The following ARNT2 variants were observed in gnomAD, a reference collection of about 807,000 sequenced individuals.
ARNT2 encodes ARNT protein 2.
In ARNT2, 36 loss-of-function variants were observed where a neutral mutation model predicts 91.7. The observed-to-expected ratio is 0.39, with a 90% CI of 0.30 to 0.52. The LOEUF (loss-of-function observed/expected upper bound fraction) is 0.52. Among genes scored for constraint, ARNT2 ranks in the 20% least tolerant of loss-of-function variants. The pLI, the probability that ARNT2 is intolerant of heterozygous loss-of-function variation, is 0.72. For synonymous variants in ARNT2, 365 were observed against 347.1 expected (o/e 1.05, Z -0.57); for missense variants, 775 against 939.3 (o/e 0.83, Z 2.29).
chr15:80,429,635 C>T (rs963333823), intron 1 of ARNT2, among the ~76,000 whole-genome samples: 5 of 152,166 alleles, frequency 3.3e-5, no homozygotes, highest in Admixed American at 1.3e-4. Flanking sequence ...AATTTATATT[C>T]GGTTGGTGAG....
intron 8 of ARNT2, among the ~76,000 whole-genome samples, chr15:80,536,158 A>T (rs190319884): frequency 1.1e-3 from 163 of 152,294 alleles, no homozygotes; most frequent in Non-Finnish European, 1.7e-3. Context: ...AGGCACGTGG[A>T]GTGAGGTTAA....
chr15:80,463,575 C>CTT (rs11358638), intron 3 of ARNT2, among the ~76,000 whole-genome samples: 2 of 113,190 alleles, frequency 1.8e-5, no homozygotes, highest in African/African-American at 3.7e-5. Context: ...GGGTGATTTC[C>CTT]TTTTTTTTTT....
intron 1 of ARNT2, among the ~76,000 whole-genome samples, chr15:80,433,038 ATG>A (rs1896032008): frequency 6.6e-6 from 1 of 152,186 alleles, no homozygotes; most frequent in East Asian, 1.9e-4. Context: ...TTAACACAAA[ATG>A]TTTTTTTGGT....
chr15:80,426,511 C>T (rs1449343240), intron 1 of ARNT2, among the ~76,000 whole-genome samples: 2 of 152,190 alleles, frequency 1.3e-5, no homozygotes, highest in African/African-American at 2.4e-5. Flanking sequence ...TCAATTGCCC[C>T]TGTGTCCCAA....
At chr15:80,460,944 G>T (rs754209472) in intron 3 of ARNT2, among the ~76,000 whole-genome samples, 1 of 152,192 alleles carries the variant, frequency 6.6e-6, no homozygotes, top group East Asian at 1.9e-4. Flanking sequence ...CAAGGCAGAA[G>T]GAAGGAGCTG....
chr15:80,574,851 TA>T, intron 13 of ARNT2, 135 bp from the exon 14 acceptor site: 1 of 1,159,482 alleles, frequency 8.6e-7, no homozygotes, highest in Non-Finnish European at 1.2e-6. Flanking sequence ...TCCCACCCGA[TA>T]AAATGTTCCA....
At position 80,593,848 on chromosome 15, in the gene ARNT2, AT is replaced by A; in HGVS notation, c.*152del. The A allele has an allele frequency of 1.4e-6, 1 of 692,582 alleles. No individual in the cohort carries two copies. The highest frequency in any genetic ancestry group is 1.8e-5 in the South Asian group (1 of 54,080). The allele number at this position is 692,582 out of a possible 1,614,324, so 42.9% of individuals were successfully genotyped here. A position where few individuals can be genotyped will look rare whatever the true frequency, so the allele number is the denominator to read the frequency against. ...CCCGCTGTGTGTCCCCAGGCGCATC[AT>A]TGCTCCACTCTCCCCTGCAGCCGCG... is the stretch of plus-strand genomic sequence containing the variant. On this transcript the variant is annotated 3_prime_UTR_variant, in exon 19 of 19. Coordinates refer to ENST00000303329, the MANE Select transcript of ARNT2 (RefSeq NM_014862.4).
chr15:80,515,888 T>G (rs1344059790), intron 8 of ARNT2, among the ~76,000 whole-genome samples: 1 of 150,438 alleles, frequency 6.6e-6, no homozygotes, highest in Non-Finnish European at 1.5e-5. Flanking sequence ...TTTTTTTTTT[T>G]GAGACGGAGT....
At chr15:80,550,587 A>G (rs569437768) in intron 8 of ARNT2, among the ~76,000 whole-genome samples, 1 of 152,166 alleles carries the variant, frequency 6.6e-6, no homozygotes, top group Non-Finnish European at 1.5e-5. Flanking sequence ...CAAACAGAAG[A>G]CTGTTTTCTA....
intron 1 of ARNT2, among the ~76,000 whole-genome samples, chr15:80,424,542 T>A (rs1895906695): frequency 6.6e-6 from 1 of 152,168 alleles, no homozygotes; most frequent in Non-Finnish European, 1.5e-5. Context: ...TCTCTCTGAG[T>A]GCCTCACAGT....
chr15:80,518,884 A>G (rs1322512654), intron 8 of ARNT2, among the ~76,000 whole-genome samples: 1 of 152,094 alleles, frequency 6.6e-6, no homozygotes, highest in Non-Finnish European at 1.5e-5. Flanking sequence ...TGCTCTGGAC[A>G]TATTTCAAAA....
intron 11 of ARNT2, 29 bp downstream of exon 11, chr15:80,555,168 T>C: frequency 6.2e-7 from 1 of 1,609,214 alleles, no homozygotes; most frequent in African/African-American, 1.3e-5. Context: ...CACTTAAAGC[T>C]GATGCATAGT....
intron 3 of ARNT2, among the ~76,000 whole-genome samples, chr15:80,469,399 C>T (rs1896702367): frequency 6.6e-6 from 1 of 151,972 alleles, no homozygotes; most frequent in African/African-American, 2.4e-5. Context: ...GGCTTATTCA[C>T]AACTTTAAAG....
At chr15:80,490,989 G>A (rs1179545807) in intron 5 of ARNT2, among the ~76,000 whole-genome samples, 1 of 152,208 alleles carries the variant, frequency 6.6e-6, no homozygotes, top group African/African-American at 2.4e-5. Flanking sequence ...GAGTGGAGCA[G>A]GGAAAGGCCT....
At chr15:80,475,995 G>A (rs1414053077) in intron 5 of ARNT2, among the ~76,000 whole-genome samples, 1 of 152,196 alleles carries the variant, frequency 6.6e-6, no homozygotes, top group African/African-American at 2.4e-5. Flanking sequence ...AGAAAAAGTG[G>A]TTTAGAAGAA....
intron 5 of ARNT2, among the ~76,000 whole-genome samples, chr15:80,476,782 G>C (rs944973655): frequency 1.3e-5 from 2 of 152,208 alleles, no homozygotes; most frequent in African/African-American, 4.8e-5. Context: ...CATTTGGGCT[G>C]CTATAACAAA....
chr15:80,520,383 A>T (rs185848082), intron 8 of ARNT2, among the ~76,000 whole-genome samples: 3 of 152,336 alleles, frequency 2.0e-5, no homozygotes, highest in African/African-American at 7.2e-5. Flanking sequence ...TAAAGATAAC[A>T]TGAAGTAAAT....
chr15:80,591,057 C>T lies in ARNT2; in HGVS notation c.1919-511C>T, dbSNP rs1893271273. 6.6e-6 allele frequency among the ~76,000 whole-genome samples: 1 copy of T among 152,198 alleles called. No individual in the cohort carries two copies. Among genetic ancestry groups the T allele is most frequent in the Admixed American group, 6.5e-5 (1 of 15,282 alleles). ...GGGGCAGAGGCTGAGGTTGGGAATG[C>T]CAAGATGAGGCTTTTCCTCTAGCAG... is the stretch of plus-strand genomic sequence containing the variant. On this transcript the variant is annotated intron_variant, in intron 17 of 18. Coordinates refer to ENST00000303329, the MANE Select transcript of ARNT2 (RefSeq NM_014862.4). The surrounding 1 kb of genome is among the most constrained non-coding windows in gnomAD (Gnocchi z 5.1).
chr15:80,540,748 T>C (rs1210012528), intron 8 of ARNT2, among the ~76,000 whole-genome samples: 1 of 152,184 alleles, frequency 6.6e-6, no homozygotes. Flanking sequence ...ACATGTGGTA[T>C]TTGGCTCTCT....
Sources: allele counts gnomAD v4.1 joint callset (sites outside exome capture counted in the v4.1 genomes callset), GRCh38; gene constraint gnomAD v4.1.1; non-coding constraint Gnocchi (gnomAD v3.1); transcripts MANE v1.5; gene names NCBI Gene and HGNC (gene_info 2026-07-23, HGNC 2026-07-21).